TPD52: variants seen among roughly 807,000 people sequenced by gnomAD.
TPD52 encodes prostate and colon associated protein.
Under a neutral mutation model 31.3 loss-of-function variants are expected in TPD52, and 17 were observed. The ratio of observed to expected loss-of-function variants is 0.54; its 90% CI spans 0.37 to 0.82. TPD52 has a LOEUF of 0.82. Among genes scored for constraint, TPD52 ranks in the 40% least tolerant of loss-of-function variants. The pLI is 0.00. For missense variants in TPD52, 212 were observed against 240.1 expected (o/e 0.88, Z 0.77); for synonymous variants, 83 against 89.6 (o/e 0.93, Z 0.42).
intron 1 of TPD52, among the ~76,000 whole-genome samples, chr8:80,169,811 A>G (rs1193854843): frequency 6.6e-6 from 1 of 152,152 alleles, no homozygotes; most frequent in African/African-American, 2.4e-5. Context: ...CAATATATAC[A>G]AGACATGTGA....
intron 1 of TPD52, among the ~76,000 whole-genome samples, chr8:80,069,784 C>A (rs1813566801): frequency 6.6e-6 from 1 of 152,066 alleles, no homozygotes; most frequent in African/African-American, 2.4e-5. Context: ...TACAACACTT[C>A]AAGACTTCAG....
At chr8:80,123,226 G>A (rs1808380207) in intron 1 of TPD52, 1 of 152,296 alleles carries the variant, frequency 6.6e-6, no homozygotes, top group Non-Finnish European at 1.5e-5. Flanking sequence ...AGGCAGGAGG[G>A]CTCTGCAGAA....
intron 1 of TPD52, among the ~76,000 whole-genome samples, chr8:80,086,712 A>G (rs1344952554): frequency 6.6e-6 from 1 of 151,672 alleles, no homozygotes; most frequent in Non-Finnish European, 1.5e-5. Context: ...CGTCTCTACT[A>G]AAAATACAAA....
At chr8:80,135,603 A>G (rs1809334542) in intron 1 of TPD52, among the ~76,000 whole-genome samples, 1 of 151,670 alleles carries the variant, frequency 6.6e-6, no homozygotes, top group South Asian at 2.1e-4. Context: ...AACTGGAAAT[A>G]CCATTTGACC....
chr8:80,096,205 A>T (rs1045126211), intron 1 of TPD52, among the ~76,000 whole-genome samples: 1 of 152,136 alleles, frequency 6.6e-6, no homozygotes, highest in Admixed American at 6.5e-5. Context: ...GCAGTGAGCC[A>T]TGATTGTGCC....
At position 80,037,891 on chromosome 8, in the gene TPD52, T is replaced by C. The variant is rs1450383163; in HGVS notation, c.*225A>G. 4.5e-6 allele frequency: 2 copies of C among 443,910 alleles called. No homozygotes were observed. Among genetic ancestry groups the C allele is most frequent in the East Asian group, 6.8e-5 (2 of 29,482 alleles). 27.5% of individuals were successfully genotyped at this position (443,910 alleles called of 1,614,324 possible). A position where few individuals can be genotyped will look rare whatever the true frequency, so the allele number is the denominator to read the frequency against. ...TTTACTATAAGTGTTTTTATAATGG[T>C]GTTTCCTAAATAAAGGAACATAAAT... is the stretch of plus-strand genomic sequence containing the variant. On this transcript the variant is annotated 3_prime_UTR_variant, in exon 8 of 8. Transcript: ENST00000518937.
At chr8:80,080,307 G>A (rs200296450) in intron 1 of TPD52, 1 of 1,613,348 alleles carries the variant, frequency 6.2e-7, no homozygotes, top group East Asian at 2.2e-5. Context: ...TACAAAATTA[G>A]TAGTTACCAA....
At chr8:80,041,043 A>G (rs116174416) in intron 7 of TPD52, among the ~76,000 whole-genome samples, 134 of 152,292 alleles carry the variant, frequency 8.8e-4, no homozygotes, top group African/African-American at 2.9e-3. Flanking sequence ...TTCTGAAAAA[A>G]CATTCATATG....
intron 1 of TPD52, chr8:80,127,623 T>A (rs1434962072): frequency 6.6e-6 from 1 of 152,180 alleles, no homozygotes; most frequent in Non-Finnish European, 1.5e-5. Flanking sequence ...TTCCATTTAA[T>A]GGAGCACTGC....
chr8:80,046,951 C>T (rs1304272741), intron 5 of TPD52, among the ~76,000 whole-genome samples: 1 of 152,050 alleles, frequency 6.6e-6, no homozygotes, highest in Non-Finnish European at 1.5e-5. Flanking sequence ...GTAGCAGCAG[C>T]GGGAGGAGGA....
chr8:80,124,646 T>C (rs1233219226), intron 1 of TPD52, among the ~76,000 whole-genome samples: 3 of 152,202 alleles, frequency 2.0e-5, no homozygotes, highest in Non-Finnish European at 4.4e-5. Flanking sequence ...AGATGATATA[T>C]GCTAGCTGTA....
Position 80,038,094 on chromosome 8 carries a change from T to A in TPD52, c.*22A>T. On this transcript the variant is annotated 3_prime_UTR_variant, in exon 8 of 8. Coordinates refer to ENST00000518937, the MANE Select transcript of TPD52 (RefSeq NM_001025253.3). ...CTCGCTTGCAGCATCTGGCAGTGGG[T>A]AGCAGAACAAAGGTAGGAATCTCAC... The A allele has an allele frequency of 6.2e-7, 1 of 1,612,906 alleles. No individual in the cohort carries two copies. The highest frequency in any genetic ancestry group is 2.2e-5 in the East Asian group (1 of 44,860).
At chr8:80,065,055 C>G (rs1397698572) in intron 1 of TPD52, among the ~76,000 whole-genome samples, 1 of 152,130 alleles carries the variant, frequency 6.6e-6, no homozygotes. Context: ...GGAGTAACCA[C>G]TGAATGAACT....
chr8:80,106,178 T>C (rs1233183650), intron 1 of TPD52, among the ~76,000 whole-genome samples: 2 of 152,160 alleles, frequency 1.3e-5, no homozygotes, highest in African/African-American at 2.4e-5. Context: ...AGGCATGCAA[T>C]GCATAATAAT....
chr8:80,085,718 G>A (rs568009482), intron 1 of TPD52, among the ~76,000 whole-genome samples: 2 of 152,324 alleles, frequency 1.3e-5, no homozygotes, highest in South Asian at 2.1e-4. Flanking sequence ...ATGCCACCCT[G>A]ACCATCTTTG....
intron 1 of TPD52, among the ~76,000 whole-genome samples, chr8:80,128,362 A>C (rs550161411): frequency 3.9e-5 from 6 of 152,114 alleles, no homozygotes; most frequent in Admixed American, 3.9e-4. Context: ...AATAGATAAT[A>C]ATTTATCATT....
intron 1 of TPD52, among the ~76,000 whole-genome samples, chr8:80,155,044 C>G (rs1457173106): frequency 2.7e-5 from 4 of 149,236 alleles, no homozygotes; most frequent in Admixed American, 6.7e-5. Flanking sequence ...GTCACCCAGG[C>G]TGGAGTGCAG....
intron 1 of TPD52, among the ~76,000 whole-genome samples, chr8:80,104,661 A>ATTTTT (rs144170850): frequency 1.4e-5 from 2 of 142,672 alleles, no homozygotes; most frequent in African/African-American, 5.2e-5. Context: ...GAGTCTGCTG[A>ATTTTT]TTTTTTTTTT....
intron 1 of TPD52, among the ~76,000 whole-genome samples, chr8:80,088,549 G>A (rs1418138800): frequency 6.6e-6 from 1 of 152,098 alleles, no homozygotes; most frequent in Non-Finnish European, 1.5e-5. Context: ...CCAAAGCCAC[G>A]TGTCAGAAAG....
Sources: allele counts gnomAD v4.1 joint callset (sites outside exome capture counted in the v4.1 genomes callset), GRCh38; gene constraint gnomAD v4.1.1; transcripts MANE v1.5; gene names NCBI Gene and HGNC (gene_info 2026-07-23, HGNC 2026-07-21).